The following SUGT1 variants were observed in gnomAD, a reference collection of about 807,000 sequenced individuals.
The protein encoded by SUGT1 is protein SGT1 homolog.
SUGT1 carries 15 observed loss-of-function variants against 56.1 expected under a neutral mutation model. That is an observed-to-expected ratio of 0.27 (90% CI 0.18 to 0.41). SUGT1 has a LOEUF of 0.41. Among genes scored for constraint, SUGT1 ranks in the 10% least tolerant of loss-of-function variants. The pLI is 1.00. For synonymous variants in SUGT1, 123 were observed against 128.6 expected (o/e 0.96, Z 0.30); for missense variants, 347 against 382.2 (o/e 0.91, Z 0.77).
chr13:52,659,981 A>C (rs1013550289), intron 5 of SUGT1, among the ~76,000 whole-genome samples: 1 of 150,288 alleles, frequency 6.7e-6, no homozygotes. Context: ...GGCGACCACC[A>C]CCACGCCCGG....
At position 52,656,215 on chromosome 13, in the gene SUGT1, T is replaced by G. The variant is rs570981364; in HGVS notation, c.97-1317T>G. ...GTCTGCAAGAAGAAAAATCAATACTTTTCATTGAGTGATTACTGGATGTCA... is the reference window on the plus strand; with the variant it reads ...GTCTGCAAGAAGAAAAATCAATACTGTTCATTGAGTGATTACTGGATGTCA... On this transcript the variant is annotated intron_variant, in intron 2 of 12. Transcript: ENST00000310528. 2.0e-5 allele frequency among the ~76,000 whole-genome samples: 3 copies of G among 152,262 alleles called. No individual in the cohort carries two copies. In the South Asian group the frequency reaches 6.2e-4, roughly 32 times the overall value.
At chr13:52,671,145 T>G (rs1243958268) in intron 10 of SUGT1, among the ~76,000 whole-genome samples, 1 of 151,754 alleles carries the variant, frequency 6.6e-6, no homozygotes, top group African/African-American at 2.4e-5. Flanking sequence ...TCTGAATACA[T>G]AGATATGAGA....
intron 10 of SUGT1, among the ~76,000 whole-genome samples, chr13:52,669,966 G>T (rs1441230411): frequency 6.6e-6 from 1 of 152,146 alleles, no homozygotes; most frequent in Non-Finnish European, 1.5e-5. Context: ...CATGTATTCA[G>T]ATATCTTGAT....
chr13:52,684,440 A>C (rs571330042), intron 12 of SUGT1, among the ~76,000 whole-genome samples: 1 of 144,698 alleles, frequency 6.9e-6, no homozygotes, highest in African/African-American at 2.6e-5. Context: ...TTTTTTATTC[A>C]TTTCTATTTT....
intron 12 of SUGT1, among the ~76,000 whole-genome samples, chr13:52,685,265 T>C (rs1435845847): frequency 1.9e-4 from 28 of 147,948 alleles, no homozygotes; most frequent in Non-Finnish European, 1.3e-4. Flanking sequence ...TCTTTTTTTT[T>C]TTTTTTTTTT....
At chr13:52,687,344 T>C (rs1242461272) in intron 12 of SUGT1, 1 of 152,088 alleles carries the variant, frequency 6.6e-6, no homozygotes, top group Non-Finnish European at 1.5e-5. Context: ...TTGACTGGTC[T>C]TTACGGTCTT....
At chr13:52,666,517 G>C (rs1962709781) in intron 9 of SUGT1, among the ~76,000 whole-genome samples, 1 of 152,030 alleles carries the variant, frequency 6.6e-6, no homozygotes, top group Non-Finnish European at 1.5e-5. Flanking sequence ...GCTTTTGTAT[G>C]TTTTCTTGAA....
intron 12 of SUGT1, among the ~76,000 whole-genome samples, chr13:52,683,535 G>A (rs939690282): frequency 4.6e-5 from 7 of 152,122 alleles, no homozygotes; most frequent in Non-Finnish European, 7.4e-5. Context: ...CTATATTCAT[G>A]AGGAATATGA....
At chr13:52,668,607 C>G (rs1282870347) in intron 10 of SUGT1, among the ~76,000 whole-genome samples, 1 of 152,044 alleles carries the variant, frequency 6.6e-6, no homozygotes. Context: ...TGAAATCTTA[C>G]CAGGATTTTG....
At chr13:52,668,204 T>C (rs988086313) in intron 10 of SUGT1, among the ~76,000 whole-genome samples, 6 of 152,094 alleles carry the variant, frequency 3.9e-5, no homozygotes, top group African/African-American at 1.2e-4. Context: ...ATGGTCTTGA[T>C]CTCCTGACCA....
intron 12 of SUGT1, among the ~76,000 whole-genome samples, chr13:52,680,455 T>G (rs1342630112): frequency 3.3e-5 from 5 of 152,218 alleles, no homozygotes; most frequent in African/African-American, 9.7e-5. Context: ...GTTGTTTCCC[T>G]TCTAGACTCA....
Position 52,653,123 on chromosome 13 carries a change from C to A in SUGT1, c.96+20C>A. 2 of 1,614,048 alleles carry A rather than the reference C, an allele frequency of 1.2e-6. No homozygotes were observed. Among genetic ancestry groups the A allele is most frequent in the Non-Finnish European group, 1.7e-6 (2 of 1,180,008 alleles). ...TTAGAGGTGAGAGAGCCCATTTCTG[C>A]TTCCTCCACTCTTCTTAGGGGAGCT... is the stretch of plus-strand genomic sequence containing the variant. On this transcript the variant is annotated intron_variant, in intron 2 of 12. Coordinates refer to ENST00000310528, the MANE Select transcript of SUGT1 (RefSeq NM_006704.5).
rs927235276 is a variant in SUGT1, at chr13:52,694,335, A to G, written c.*6500A>G. 6.6e-5 allele frequency: 10 copies of G among 152,366 alleles called. No individual in the cohort carries two copies. In the East Asian group the frequency reaches 7.7e-4, roughly 12 times the overall value. The allele number at this position is 152,366 out of a possible 1,614,324, so 9.4% of individuals were successfully genotyped here. On this transcript the variant is annotated 3_prime_UTR_variant, in exon 13 of 13. Transcript: ENST00000310528. ...ATGTGGAATTCTGTCTGAGGAAAGT[A>G]TATCACCTAGTTAACAATTGTTACT...
At chr13:52,685,152 G>C (rs1328849096) in intron 12 of SUGT1, among the ~76,000 whole-genome samples, 1 of 149,996 alleles carries the variant, frequency 6.7e-6, no homozygotes, top group Non-Finnish European at 1.5e-5. Flanking sequence ...TTGCAGCCTT[G>C]AACTCCTGAG....
At position 52,676,293 on chromosome 13, in the gene SUGT1, G is replaced by A. The variant is rs771291046; in HGVS notation, c.691G>A (p.Val231Met). The A allele has an allele frequency of 1.9e-6, 3 of 1,613,168 alleles. No homozygotes were observed. Among genetic ancestry groups the A allele is most frequent in the South Asian group, 2.2e-5 (2 of 90,904 alleles). Residue 231 changes from valine (V) to methionine (M), a missense_variant, in exon 11 of 13, where the codon GTG (valine) becomes ATG (methionine). Transcript: ENST00000310528. ...GGAAAAGCTAGAGGGGCAAGGAGAT[G>A]TGCCTACGCCAAAACAATTCGTAGC... ...RWEKLEGQGD[V>M]PTPKQFVADV...
rs1963781932 is a variant in SUGT1 at position 52,691,675 on chromosome 13, A to G, written c.*3840A>G. ...CACTTACCCTTTGTAACTAGCTCTA[A>G]AGAAGTACATCTTTTGCTCATACCT... On this transcript the variant is annotated 3_prime_UTR_variant, in exon 13 of 13. Transcript: ENST00000310528. The G allele has an allele frequency of 6.6e-6, 1 of 152,182 alleles. No homozygotes were observed. Among genetic ancestry groups the G allele is most frequent in the Admixed American group, 6.5e-5 (1 of 15,276 alleles). The allele number at this position is 152,182 out of a possible 1,614,324, so 9.4% of individuals were successfully genotyped here.
At chr13:52,681,057 C>T (rs779652333) in intron 12 of SUGT1, among the ~76,000 whole-genome samples, 5 of 152,102 alleles carry the variant, frequency 3.3e-5, no homozygotes, top group African/African-American at 4.8e-5. Flanking sequence ...AGGCTGGTCT[C>T]GAACTCCTGG....
chr13:52,661,291 T>A (rs4885801), intron 5 of SUGT1, among the ~76,000 whole-genome samples: 6 of 151,858 alleles, frequency 4.0e-5, no homozygotes, highest in African/African-American at 1.5e-4. Flanking sequence ...TTTTTTGGGG[T>A]TTTTTTTTGT....
At chr13:52,677,191 G>A (rs1305015982) in intron 11 of SUGT1, among the ~76,000 whole-genome samples, 1 of 152,088 alleles carries the variant, frequency 6.6e-6, no homozygotes, top group Non-Finnish European at 1.5e-5. Context: ...TTGTGTGTGT[G>A]TTTGTGTGTG....
Sources: allele counts gnomAD v4.1 joint callset (sites outside exome capture counted in the v4.1 genomes callset), GRCh38; gene constraint gnomAD v4.1.1; transcripts MANE v1.5; gene names NCBI Gene and HGNC (gene_info 2026-07-23, HGNC 2026-07-21).